RARB: variants seen among roughly 807,000 people sequenced by gnomAD.
RARB encodes the protein retinoic acid receptor beta.
RARB carries 17 observed loss-of-function variants against 51.9 expected under a neutral mutation model. The ratio of observed to expected loss-of-function variants is 0.33; its 90% CI spans 0.22 to 0.49. RARB has a LOEUF of 0.49. RARB is among the 20% of genes least tolerant of loss of function. The pLI, the probability that RARB is intolerant of heterozygous loss-of-function variation, is 0.99. For missense variants in RARB, 369 were observed against 550.8 expected, an observed-to-expected ratio of 0.67 and a Z score of 3.30; for synonymous variants, 215 against 195.4, an observed-to-expected ratio of 1.10 and a Z score of -0.84.
chr3:25,297,872 T>G (rs1703953688), intron 5 of RARB, among the ~76,000 whole-genome samples: 1 of 152,226 alleles, frequency 6.6e-6, no homozygotes, highest in South Asian at 2.1e-4. Context: ...AAATGACAGA[T>G]GGGCTCAACT....
At chr3:25,500,193 T>C (rs1296301461) in intron 2 of RARB, among the ~76,000 whole-genome samples, 1 of 152,200 alleles carries the variant, frequency 6.6e-6, no homozygotes, top group Non-Finnish European at 1.5e-5. Flanking sequence ...AAGAACTGAA[T>C]TCTTAATTTT....
intron 5 of RARB, among the ~76,000 whole-genome samples, chr3:25,247,724 G>T (rs1029501261): frequency 6.6e-6 from 1 of 152,200 alleles, no homozygotes; most frequent in Non-Finnish European, 1.5e-5. Flanking sequence ...CGCCTTCTGC[G>T]TTGGCCTGGC....
At chr3:24,907,925 A>G (rs923821273) in intron 2 of RARB, among the ~76,000 whole-genome samples, 8 of 152,106 alleles carry the variant, frequency 5.3e-5, no homozygotes, top group Non-Finnish European at 8.8e-5. Context: ...CTTAGGGACA[A>G]GTGGTCCAAG....
intron 4 of RARB, among the ~76,000 whole-genome samples, chr3:25,147,923 T>C (rs1700221052): frequency 6.6e-6 from 1 of 152,236 alleles, no homozygotes. Context: ...ACATCTGTAA[T>C]TGTGAGGCAA....
rs147297123 is a variant in RARB at position 25,049,855 on chromosome 3, C to T, written c.-379-10270C>T. On this transcript the variant is annotated intron_variant, in intron 2 of 11. Transcript: ENST00000383772. ...ACTGAAACTGTTTATTTGTTTGATA[C>T]GTATTTTTGGCATTGTGAATAAAAA... 1.8e-3 allele frequency among the ~76,000 whole-genome samples: 281 copies of T among 152,220 alleles called. 3 individuals are homozygous for T. Among genetic ancestry groups the T allele is most frequent in the African/African-American group, 5.8e-3 (242 of 41,544 alleles).
At chr3:24,878,263 T>A (rs139198626) in intron 2 of RARB, among the ~76,000 whole-genome samples, 29 of 152,038 alleles carry the variant, frequency 1.9e-4, no homozygotes, top group Non-Finnish European at 4.3e-4. Context: ...ATCATTTTTT[T>A]AAACTTTCTT....
At chr3:25,392,897 T>C (rs1176994296) in intron 5 of RARB, among the ~76,000 whole-genome samples, 1 of 152,180 alleles carries the variant, frequency 6.6e-6, no homozygotes, top group Non-Finnish European at 1.5e-5. Flanking sequence ...TCTTGTCTGA[T>C]TGCTCTGGCT....
At chr3:25,573,310 A>G (rs1575531456) in intron 4 of RARB, among the ~76,000 whole-genome samples, 1 of 152,134 alleles carries the variant, frequency 6.6e-6, no homozygotes, top group Non-Finnish European at 1.5e-5. Context: ...GCAGGCCTCC[A>G]GGGCCCTTTC....
At chr3:25,486,498 C>G (rs1400161068) in intron 2 of RARB, among the ~76,000 whole-genome samples, 5 of 152,160 alleles carry the variant, frequency 3.3e-5, no homozygotes, top group African/African-American at 1.2e-4. Context: ...CAACCTTCCA[C>G]CCATCCATGT....
At chr3:24,921,770 A>G (rs1398064063) in intron 2 of RARB, among the ~76,000 whole-genome samples, 1 of 152,226 alleles carries the variant, frequency 6.6e-6, no homozygotes, top group Non-Finnish European at 1.5e-5. Context: ...AATGTCAAAT[A>G]GGAAAAATAC....
intron 5 of RARB, among the ~76,000 whole-genome samples, chr3:25,420,287 C>G (rs1479341628): frequency 1.3e-5 from 2 of 152,146 alleles, no homozygotes; most frequent in Admixed American, 1.3e-4. Context: ...TCCAACTGCC[C>G]CTCTGATGTG....
intron 3 of RARB, among the ~76,000 whole-genome samples, chr3:25,061,657 G>C (rs1158168637): frequency 6.6e-6 from 1 of 151,644 alleles, no homozygotes; most frequent in South Asian, 2.1e-4. Context: ...ATGTAAGCTG[G>C]AATAATGCTA....
chr3:25,256,240 GC>G (rs931625594), intron 5 of RARB, among the ~76,000 whole-genome samples: 2 of 152,098 alleles, frequency 1.3e-5, no homozygotes, highest in Admixed American at 6.6e-5. Flanking sequence ...AAAAGATACG[GC>G]CCCTTCCTGC....
intron 5 of RARB, among the ~76,000 whole-genome samples, chr3:25,226,429 C>G (rs1702058459): frequency 6.6e-6 from 1 of 152,164 alleles, no homozygotes; most frequent in Admixed American, 6.6e-5. Context: ...TGGCCAATCT[C>G]TTTTGAAAAG....
rs866222558 is a variant in RARB, at chr3:24,989,809, T to C, written c.-379-70316T>C. On this transcript the variant is annotated intron_variant, in intron 2 of 11. Transcript: ENST00000383772. ...TTTTTTTTTTTTTTTTTTTTTTTTT[T>C]TGAGACGGAGTCTCGCTCTGTCGCC... is the stretch of plus-strand genomic sequence containing the variant. Among the ~76,000 whole-genome samples the C allele has an allele frequency of 3.3e-3, 176 of 52,960 alleles. 36 individuals carry two copies. Among genetic ancestry groups the C allele is most frequent in the African/African-American group, 0.015 (169 of 10,950 alleles). The allele number at this position is 52,960 out of a possible 152,430, so 34.7% of individuals were successfully genotyped here. A position where few individuals can be genotyped will look rare whatever the true frequency, so the allele number is the denominator to read the frequency against.
chr3:24,953,562 A>G (rs1342249878), intron 2 of RARB, among the ~76,000 whole-genome samples: 1 of 152,108 alleles, frequency 6.6e-6, no homozygotes, highest in East Asian at 1.9e-4. Context: ...GTGTCAAAAC[A>G]CCTACCTGCA....
chr3:25,377,411 A>G (rs1156676592), intron 5 of RARB, among the ~76,000 whole-genome samples: 1 of 152,210 alleles, frequency 6.6e-6, no homozygotes, highest in Admixed American at 6.6e-5. Flanking sequence ...GTCCTAATGC[A>G]ATGGCAGCAT....
intron 1 of RARB, among the ~76,000 whole-genome samples, chr3:25,458,055 T>C (rs985903063): frequency 2.0e-5 from 3 of 152,196 alleles, no homozygotes; most frequent in Non-Finnish European, 4.4e-5. Flanking sequence ...GGAGTGTAAA[T>C]CTACACAACC....
chr3:25,243,227 C>G (rs534423863), intron 5 of RARB, among the ~76,000 whole-genome samples: 28 of 152,284 alleles, frequency 1.8e-4, no homozygotes, highest in Admixed American at 7.8e-4. Context: ...ATGGGGTTTT[C>G]TAAATATACA....
Sources: gnomAD v4.1 joint callset for allele counts (sites outside exome capture counted in the v4.1 genomes callset) on GRCh38, gnomAD v4.1.1 for gene constraint, MANE v1.5 for transcripts, NCBI Gene and HGNC (gene_info 2026-07-23, HGNC 2026-07-21) for gene names.